The following LEPR variants were observed in gnomAD, a reference collection of about 807,000 sequenced individuals.
The protein encoded by LEPR is OB receptor.
LEPR carries 56 observed loss-of-function variants against 114.7 expected under a neutral mutation model. The observed-to-expected ratio is 0.49, with a 90% CI of 0.39 to 0.61. The LOEUF is 0.61. LEPR is among the 20% of genes least tolerant of loss of function. The probability of loss-of-function intolerance (pLI) is 0.00; values close to 1 mark genes in which losing one functional copy is unlikely to be tolerated. For missense variants in LEPR, 1,202 were observed against 1,352.9 expected (o/e 0.89, Z 1.75); for synonymous variants, 443 against 461.4 (o/e 0.96, Z 0.51).
chr1:65,492,653 A>G, intron 2 of LEPR, among the ~76,000 whole-genome samples: 1 of 152,016 alleles, frequency 6.6e-6, no homozygotes, highest in South Asian at 2.1e-4. Flanking sequence ...TTCTAGGGTT[A>G]CTTCATATTA....
chr1:65,527,289 A>G (rs1650039158), intron 2 of LEPR, among the ~76,000 whole-genome samples: 1 of 152,238 alleles, frequency 6.6e-6, no homozygotes, highest in Admixed American at 6.5e-5. Context: ...CAGAGATGCC[A>G]ATTTTAGTAA....
In LEPR at chr1:65,587,505, C is replaced by T. The variant is rs139734469; in HGVS notation, c.495-5152C>T. On this transcript the variant is annotated intron_variant, in intron 5 of 19. Coordinates refer to ENST00000349533, the MANE Select transcript of LEPR (RefSeq NM_002303.6). ...ATGTGATTATTGTCTTTGATATTCACACCCTTGTAAACATAGATGGTTCGG... is the reference window on the plus strand; with the variant it reads ...ATGTGATTATTGTCTTTGATATTCATACCCTTGTAAACATAGATGGTTCGG... 5.5e-3 allele frequency among the ~76,000 whole-genome samples: 843 copies of T among 152,158 alleles called. 7 individuals are homozygous for T. The highest frequency in any genetic ancestry group is 0.019 in the African/African-American group (809 of 41,554).
chr1:65,510,058 C>G (rs1648952955), intron 2 of LEPR, among the ~76,000 whole-genome samples: 1 of 152,086 alleles, frequency 6.6e-6, no homozygotes, highest in Non-Finnish European at 1.5e-5. Context: ...TATGGAAAAC[C>G]TGGGAATGGT....
chr1:65,598,837 G>A lies in LEPR; in HGVS notation c.994+33G>A, dbSNP rs763567269. The A allele has an allele frequency of 6.8e-6, 11 of 1,612,392 alleles. No homozygotes were observed. The South Asian group carries it at 1.2e-4, about 18-fold the overall frequency. On this transcript the variant is annotated intron_variant, in intron 8 of 19. Transcript: ENST00000349533. ...ATGTAATAGCCACTTCTACTGGGAGGGAAATATATTTCCTGAACTTGCCTT... is the reference window on the plus strand; with the variant it reads ...ATGTAATAGCCACTTCTACTGGGAGAGAAATATATTTCCTGAACTTGCCTT...
intron 2 of LEPR, among the ~76,000 whole-genome samples, chr1:65,465,597 G>A (rs151182652): frequency 0.013 from 1,913 of 152,124 alleles, 16 homozygotes; most frequent in Middle Eastern, 0.024. Flanking sequence ...CTTCTTTCTC[G>A]TTGATCTGTC....
intron 2 of LEPR, among the ~76,000 whole-genome samples, chr1:65,513,613 A>G (rs1297813548): frequency 6.6e-6 from 1 of 152,200 alleles, no homozygotes; most frequent in Non-Finnish European, 1.5e-5. Flanking sequence ...TCCTGCAGAG[A>G]ATAAAGTGCT....
At chr1:65,551,956 A>G (rs1268585377) in intron 2 of LEPR, among the ~76,000 whole-genome samples, 3 of 152,010 alleles carry the variant, frequency 2.0e-5, no homozygotes, top group African/African-American at 7.3e-5. Flanking sequence ...CATTAATTTC[A>G]TTATTTACCC....
intron 2 of LEPR, among the ~76,000 whole-genome samples, chr1:65,546,600 C>T (rs934900815): frequency 1.1e-4 from 16 of 152,112 alleles, no homozygotes; most frequent in Non-Finnish European, 2.1e-4. Context: ...CATGATTTGG[C>T]TCTCTGTTTG....
intron 2 of LEPR, among the ~76,000 whole-genome samples, chr1:65,545,567 G>C (rs1368224976): frequency 6.6e-6 from 1 of 152,264 alleles, no homozygotes; most frequent in Non-Finnish European, 1.5e-5. Flanking sequence ...GTGATGGTGA[G>C]CATTTTTTCA....
intron 2 of LEPR, among the ~76,000 whole-genome samples, chr1:65,519,021 TTC>T (rs1276401378): frequency 2.7e-5 from 4 of 150,294 alleles, no homozygotes; most frequent in Non-Finnish European, 5.9e-5. Context: ...TTCTCTTTCT[TTC>T]TCTTTCTTCT....
chr1:65,432,066 A>G, intron 2 of LEPR: 1 of 1,356,972 alleles, frequency 7.4e-7, no homozygotes, highest in Non-Finnish European at 9.5e-7. Flanking sequence ...AAGACTTCAT[A>G]AGTAGGAGAT....
chr1:65,422,548 G>A (rs4655802), intron 1 of LEPR, among the ~76,000 whole-genome samples: 92,810 of 152,042 alleles, frequency 0.61, 28,531 homozygotes, highest in East Asian at 0.86. Context: ...AGGTGGGATT[G>A]ATTCCCCTGC....
intron 2 of LEPR, chr1:65,431,682 A>C: frequency 1.0e-6 from 1 of 967,230 alleles, no homozygotes. Context: ...TACATTATTA[A>C]GCCTTTTAGC....
intron 2 of LEPR, among the ~76,000 whole-genome samples, chr1:65,527,732 T>G (rs1650070375): frequency 6.6e-6 from 1 of 152,188 alleles, no homozygotes. Context: ...TTCAGTGACT[T>G]TTTGCCTTTG....
At chr1:65,521,101 T>C (rs184471470) in intron 2 of LEPR, among the ~76,000 whole-genome samples, 11 of 152,234 alleles carry the variant, frequency 7.2e-5, no homozygotes, top group African/African-American at 2.4e-4. Context: ...CAAAGATTCA[T>C]TTGATTAACC....
intron 2 of LEPR, among the ~76,000 whole-genome samples, chr1:65,470,327 A>G (rs1004345061): frequency 6.6e-6 from 1 of 152,242 alleles, no homozygotes; most frequent in Admixed American, 6.5e-5. Context: ...CACAAAAATC[A>G]GAGGCCAGGA....
chr1:65,617,979 C>CACTCAGTGCTT lies in LEPR; in HGVS notation c.2230_2240dup (p.Pro748SerfsTer6). 1 of 1,609,466 alleles carries CACTCAGTGCTT rather than the reference C, an allele frequency of 6.2e-7. No individual in the cohort carries two copies. Among genetic ancestry groups the CACTCAGTGCTT allele is most frequent in the Non-Finnish European group, 8.5e-7 (1 of 1,178,028 alleles). The stretch of plus-strand genomic sequence containing the variant: ...TTCCCCTCAGTAAATATCGTGCAGT[C>CACTCAGTGCTT]ACTCAGTGCTTATCCTTTAAACAGC... On this transcript the variant is annotated frameshift_variant, in exon 16 of 20. Coordinates refer to ENST00000349533, the MANE Select transcript of LEPR (RefSeq NM_002303.6). LOFTEE classifies it high-confidence loss of function.
chr1:65,434,371 A>G (rs1382945435), intron 2 of LEPR: 19 of 985,298 alleles, frequency 1.9e-5, no homozygotes, highest in Non-Finnish European at 2.0e-5. Flanking sequence ...CATAGTGACT[A>G]TAGTCGAAAA....
intron 19 of LEPR, among the ~76,000 whole-genome samples, chr1:65,626,646 T>C (rs1411846787): frequency 1.3e-5 from 2 of 152,218 alleles, no homozygotes; most frequent in African/African-American, 2.4e-5. Context: ...AATTAAAATG[T>C]ACCCTTTTCT....
Sources: gnomAD v4.1 joint callset for allele counts (sites outside exome capture counted in the v4.1 genomes callset) on GRCh38, gnomAD v4.1.1 for gene constraint, MANE v1.5 for transcripts, NCBI Gene and HGNC (gene_info 2026-07-23, HGNC 2026-07-21) for gene names.